Variants in LRMDA observed in about 807,000 individuals in gnomAD.
The protein encoded by LRMDA is leucine-rich melanocyte differentiation-associated protein.
Under a neutral mutation model 29.8 loss-of-function variants are expected in LRMDA, and 18 were observed. The ratio of observed to expected loss-of-function variants is 0.60; its 90% CI spans 0.42 to 0.90. The LOEUF is 0.90. Ranked by LOEUF, LRMDA falls within the 40% of genes least tolerant of loss-of-function variation. The pLI, the probability that LRMDA is intolerant of heterozygous loss-of-function variation, is 0.00. For missense variants in LRMDA, 273 were observed against 273.9 expected (o/e 1.00, Z 0.02); for synonymous variants, 125 against 109.4 (o/e 1.14, Z -0.89).
At chr10:76,328,765 T>C (rs1396459826) in intron 6 of LRMDA, among the ~76,000 whole-genome samples, 1 of 152,230 alleles carries the variant, frequency 6.6e-6, no homozygotes, top group African/African-American at 2.4e-5. Flanking sequence ...TGCCATTCTG[T>C]ATTTTTAAAT....
intron 2 of LRMDA, among the ~76,000 whole-genome samples, chr10:75,814,593 TC>T (rs1322270724): frequency 1.9e-5 from 2 of 107,336 alleles, no homozygotes; most frequent in African/African-American, 6.2e-5. Flanking sequence ...CCTGAAACAT[TC>T]ATGTTCTTCC....
intron 2 of LRMDA, among the ~76,000 whole-genome samples, chr10:75,481,378 A>T (rs572365669): frequency 1.3e-5 from 2 of 152,264 alleles, no homozygotes; most frequent in Admixed American, 1.3e-4. Flanking sequence ...CATTAAGGTC[A>T]CATGCTGCAA....
At chr10:75,523,706 G>A (rs557913839) in intron 2 of LRMDA, among the ~76,000 whole-genome samples, 2 of 152,318 alleles carry the variant, frequency 1.3e-5, no homozygotes, top group East Asian at 3.9e-4. Context: ...ACTGGGATGT[G>A]TGGCTACTCC....
chr10:76,518,279 TC>T (rs1211196364), intron 6 of LRMDA, among the ~76,000 whole-genome samples: 1 of 132,210 alleles, frequency 7.6e-6, no homozygotes, highest in Non-Finnish European at 1.6e-5. Flanking sequence ...CATTTATCTA[TC>T]ATCTATCTAT....
intron 5 of LRMDA, among the ~76,000 whole-genome samples, chr10:76,107,489 C>A (rs868055148): frequency 3.0e-4 from 46 of 152,308 alleles, no homozygotes; most frequent in African/African-American, 1.0e-3. Context: ...TGGGCCAGGC[C>A]CTGTCTCACC....
chr10:76,536,856 A>C (rs1188685807), intron 6 of LRMDA, among the ~76,000 whole-genome samples: 2 of 152,106 alleles, frequency 1.3e-5, no homozygotes, highest in Non-Finnish European at 2.9e-5. Context: ...TTCCCCAATA[A>C]ACTTTCACCC....
At chr10:76,085,421 C>T (rs922952373) in intron 5 of LRMDA, among the ~76,000 whole-genome samples, 3 of 152,130 alleles carry the variant, frequency 2.0e-5, no homozygotes, top group Non-Finnish European at 2.9e-5. Context: ...TGCAATCTTG[C>T]GCTGTATTTT....
rs577069396 is a variant in LRMDA at position 75,528,455 on chromosome 10, C to T, written c.131+89961C>T. On this transcript the variant is annotated intron_variant, in intron 2 of 6. Transcript: ENST00000611255. ...ACATAGTGGATTTTGGGACATTCTT[C>T]ACCCAATGCTCTTTGCCTCCTTGGC... 2.6e-5 allele frequency among the ~76,000 whole-genome samples: 4 copies of T among 152,320 alleles called. No homozygotes were observed. The East Asian group carries it at 7.7e-4, about 29-fold the overall frequency.
At chr10:75,608,262 T>C (rs1328979191) in intron 2 of LRMDA, among the ~76,000 whole-genome samples, 1 of 151,956 alleles carries the variant, frequency 6.6e-6, no homozygotes, top group African/African-American at 2.4e-5. Flanking sequence ...ATCTCACTTA[T>C]ATGTGGAATC....
At chr10:76,106,266 T>G (rs1042721921) in intron 5 of LRMDA, among the ~76,000 whole-genome samples, 9 of 152,242 alleles carry the variant, frequency 5.9e-5, no homozygotes, top group Non-Finnish European at 1.0e-4. Flanking sequence ...TGTTCCAGTT[T>G]GGGGTATGGT....
rs1841507169 is a variant in LRMDA, at chr10:75,645,493, A to C, written c.131+206999A>C. Among the ~76,000 whole-genome samples, 6 of 152,100 alleles carry C rather than the reference A, an allele frequency of 3.9e-5. No homozygotes were observed. In the South Asian group the frequency reaches 1.2e-3, roughly 32 times the overall value. ...GTGGGGGGTGGGGGCAGGAATAATC[A>C]ACTGTGAATGTCGGAGCTAGAACGT... On this transcript the variant is annotated intron_variant, in intron 2 of 6. Coordinates refer to ENST00000611255, the MANE Select transcript of LRMDA (RefSeq NM_001305581.2).
At chr10:76,178,500 A>T (rs1368661909) in intron 5 of LRMDA, among the ~76,000 whole-genome samples, 1 of 152,164 alleles carries the variant, frequency 6.6e-6, no homozygotes, top group African/African-American at 2.4e-5. Flanking sequence ...GACAAATTCC[A>T]ATATAAGAAG....
At chr10:75,547,729 C>T (rs988008290) in intron 2 of LRMDA, among the ~76,000 whole-genome samples, 10 of 152,016 alleles carry the variant, frequency 6.6e-5, no homozygotes, top group African/African-American at 9.7e-5. Context: ...TGGGCTGTTA[C>T]GTAAAAAAAA....
At chr10:76,011,486 G>A (rs149284866) in intron 2 of LRMDA, among the ~76,000 whole-genome samples, 1 of 152,156 alleles carries the variant, frequency 6.6e-6, no homozygotes, top group Admixed American at 6.5e-5. Context: ...GACCATGAGC[G>A]AGTGGGCCAC....
chr10:75,672,097 CA>C (rs1841897918), intron 2 of LRMDA, among the ~76,000 whole-genome samples: 2 of 152,174 alleles, frequency 1.3e-5, no homozygotes, highest in Admixed American at 6.5e-5. Context: ...CACTTTGGGA[CA>C]AAACCTAGAA....
At chr10:76,199,773 C>A (rs1851394390) in intron 5 of LRMDA, among the ~76,000 whole-genome samples, 1 of 152,152 alleles carries the variant, frequency 6.6e-6, no homozygotes, top group South Asian at 2.1e-4. Context: ...AGGATCTTGG[C>A]AGACACAGGA....
chr10:76,445,348 C>G (rs934555540), intron 6 of LRMDA, among the ~76,000 whole-genome samples: 1 of 152,188 alleles, frequency 6.6e-6, no homozygotes, highest in Non-Finnish European at 1.5e-5. Flanking sequence ...AGCACAGTCC[C>G]TCTTTGCTTC....
At chr10:76,047,344 A>C (rs1564638563) in intron 4 of LRMDA, 41 bp downstream of exon 4, 1 of 1,558,690 alleles carries the variant, frequency 6.4e-7, no homozygotes, top group East Asian at 2.3e-5. Flanking sequence ...AAAAGGGAAA[A>C]AGAGAAACTT....
intron 2 of LRMDA, among the ~76,000 whole-genome samples, chr10:75,652,213 G>A (rs1156497100): frequency 2.0e-5 from 3 of 152,188 alleles, no homozygotes; most frequent in Admixed American, 6.5e-5. Context: ...AAGCAAGTCC[G>A]ACATCCCTCG....
Sources: gnomAD v4.1 joint callset for allele counts (sites outside exome capture counted in the v4.1 genomes callset) on GRCh38, gnomAD v4.1.1 for gene constraint, MANE v1.5 for transcripts, NCBI Gene and HGNC (gene_info 2026-07-23, HGNC 2026-07-21) for gene names.